The following RAB31 variants were observed in gnomAD, a reference collection of about 807,000 sequenced individuals.
RAB31 encodes ras-related protein Rab-31.
RAB31 carries 21 observed loss-of-function variants against 25.6 expected under a neutral mutation model. The ratio of observed to expected loss-of-function variants is 0.82; its 90% CI spans 0.58 to 1.18. The LOEUF (loss-of-function observed/expected upper bound fraction) is 1.18. Ranked by LOEUF, RAB31 falls within the 50% of genes most tolerant of loss-of-function variation. The probability of loss-of-function intolerance (pLI) is 0.00; values close to 1 mark genes in which losing one functional copy is unlikely to be tolerated. For synonymous variants in RAB31, 87 were observed against 84.0 expected, an observed-to-expected ratio of 1.04 and a Z score of -0.20; for missense variants, 196 against 250.1, an observed-to-expected ratio of 0.78 and a Z score of 1.46.
rs191309815 is a variant in RAB31, at chr18:9,764,097, A to G, written c.40-11181A>G. On this transcript the variant is annotated intron_variant, in intron 1 of 6. Transcript: ENST00000578921. ...ATTCTTTATTTACAGCATCAGTTCA[A>G]TGGAAAAACGCATATTTTAGTTTCA... 1.2e-3 allele frequency among the ~76,000 whole-genome samples: 185 copies of G among 152,242 alleles called. 2 individuals are homozygous for G. Among genetic ancestry groups the G allele is most frequent in the Non-Finnish European group, 1.3e-3 (87 of 68,022 alleles).
rs2068852179 is a variant in RAB31, at chr18:9,862,211, T to C, written c.*2886T>C. The stretch of plus-strand genomic sequence containing the variant: ...ACTGTTCTGCAATGCTCATGGCAAG[T>C]TGAATGGTGAGCTAGCTTATAAATT... On this transcript the variant is annotated 3_prime_UTR_variant, in exon 7 of 7. Coordinates refer to ENST00000578921, the MANE Select transcript of RAB31 (RefSeq NM_006868.4). 6.6e-6 allele frequency: 1 copy of C among 152,218 alleles called. No individual in the cohort carries two copies. 9.4% of individuals were successfully genotyped at this position (152,218 alleles called of 1,614,324 possible). A position where few individuals can be genotyped will look rare whatever the true frequency, so the allele number is the denominator to read the frequency against.
At chr18:9,791,543 A>AC (rs2068460048) in intron 2 of RAB31, among the ~76,000 whole-genome samples, 1 of 150,532 alleles carries the variant, frequency 6.6e-6, no homozygotes, top group South Asian at 2.1e-4. Context: ...GACTACAGGC[A>AC]CCCGCCACCA....
chr18:9,742,018 T>A (rs1054757824), intron 1 of RAB31, among the ~76,000 whole-genome samples: 2 of 152,210 alleles, frequency 1.3e-5, no homozygotes, highest in African/African-American at 4.8e-5. Flanking sequence ...TGTCTCACGC[T>A]GTCCCCAGCC....
chr18:9,744,318 A>G (rs2068194789), intron 1 of RAB31, among the ~76,000 whole-genome samples: 1 of 152,216 alleles, frequency 6.6e-6, no homozygotes, highest in South Asian at 2.1e-4. Context: ...GTCTGTTAGC[A>G]TGGCTAAAAT....
intron 3 of RAB31, among the ~76,000 whole-genome samples, chr18:9,813,268 TG>T (rs1229863704): frequency 6.6e-6 from 1 of 152,192 alleles, no homozygotes; most frequent in Non-Finnish European, 1.5e-5. Flanking sequence ...AGGTTGCCCT[TG>T]CTGACTGGTC....
chr18:9,825,521 T>C (rs941504027), intron 5 of RAB31, among the ~76,000 whole-genome samples: 6 of 152,214 alleles, frequency 3.9e-5, no homozygotes, highest in African/African-American at 1.4e-4. Flanking sequence ...AAAATTCCAG[T>C]TCTAGGAACC....
intron 3 of RAB31, 43 bp from the exon 4 acceptor site, chr18:9,813,977 G>T (rs981786741): frequency 7.4e-7 from 1 of 1,356,514 alleles, no homozygotes; most frequent in African/African-American, 1.4e-5. Context: ...ATTGAATAAA[G>T]TCTGTTCACT....
In RAB31 at chr18:9,860,162, G is replaced by T. The variant is rs556304441; in HGVS notation, c.*837G>T. On this transcript the variant is annotated 3_prime_UTR_variant, in exon 7 of 7. Coordinates refer to ENST00000578921, the MANE Select transcript of RAB31 (RefSeq NM_006868.4). ...TCGTCCTCTCTTAGAGAAGTTTAAC[G>T]CACATAGTATTATTTTACTAAGAGA... 6.6e-6 allele frequency: 1 copy of T among 152,086 alleles called. No individual in the cohort carries two copies. Among genetic ancestry groups the T allele is most frequent in the African/African-American group, 2.4e-5 (1 of 41,388 alleles). The allele number at this position is 152,086 out of a possible 1,614,324, so 9.4% of individuals were successfully genotyped here.
At chr18:9,852,498 A>T (rs1367917327) in intron 6 of RAB31, among the ~76,000 whole-genome samples, 1 of 151,938 alleles carries the variant, frequency 6.6e-6, no homozygotes, top group Admixed American at 6.6e-5. Context: ...TTTCCATTCC[A>T]TCTTTCTTTT....
intron 1 of RAB31, among the ~76,000 whole-genome samples, chr18:9,724,734 TG>T (rs2068089541): frequency 1.3e-5 from 2 of 152,294 alleles, no homozygotes; most frequent in East Asian, 1.9e-4. Flanking sequence ...CAGATGAGCT[TG>T]TAATTGTTCT....
chr18:9,767,771 C>T (rs1391015451), intron 1 of RAB31, among the ~76,000 whole-genome samples: 1 of 151,966 alleles, frequency 6.6e-6, no homozygotes, highest in African/African-American at 2.4e-5. Flanking sequence ...GCAGAACGTG[C>T]AGATTTGTTA....
intron 5 of RAB31, among the ~76,000 whole-genome samples, chr18:9,841,659 A>C (rs1271955724): frequency 2.6e-5 from 4 of 152,162 alleles, no homozygotes; most frequent in African/African-American, 9.7e-5. Flanking sequence ...TTGGCTTTAT[A>C]GACAGAGAAG....
intron 1 of RAB31, among the ~76,000 whole-genome samples, chr18:9,733,082 G>A (rs2068131701): frequency 6.6e-6 from 1 of 152,192 alleles, no homozygotes; most frequent in Non-Finnish European, 1.5e-5. Flanking sequence ...GAGTTAGACA[G>A]TTTCCACTGC....
chr18:9,773,909 C>T (rs539779245), intron 1 of RAB31, among the ~76,000 whole-genome samples: 1 of 152,204 alleles, frequency 6.6e-6, no homozygotes, highest in East Asian at 1.9e-4. Flanking sequence ...GTTCATCCTG[C>T]TTTGGCCTCC....
At chr18:9,764,845 A>G (rs565798935) in intron 1 of RAB31, among the ~76,000 whole-genome samples, 1 of 152,262 alleles carries the variant, frequency 6.6e-6, no homozygotes, top group Admixed American at 6.5e-5. Context: ...TATGCCATGT[A>G]TTAGTTTAAA....
chr18:9,765,128 T>C (rs1407387881), intron 1 of RAB31, among the ~76,000 whole-genome samples: 1 of 152,156 alleles, frequency 6.6e-6, no homozygotes, highest in East Asian at 1.9e-4. Context: ...GATTTTTGTA[T>C]TTTTAGTAGA....
intron 1 of RAB31, among the ~76,000 whole-genome samples, chr18:9,717,306 G>A (rs570509920): frequency 1.3e-5 from 2 of 152,224 alleles, no homozygotes; most frequent in Non-Finnish European, 2.9e-5. Flanking sequence ...AGACCTGCTT[G>A]AATTCTCTAG....
At chr18:9,721,828 T>C (rs1599011804) in intron 1 of RAB31, among the ~76,000 whole-genome samples, 1 of 151,586 alleles carries the variant, frequency 6.6e-6, no homozygotes, top group African/African-American at 2.4e-5. Context: ...TGGCAGATGG[T>C]GAGGGGTGCT....
At position 9,810,638 on chromosome 18, in the gene RAB31, C is replaced by T. The variant is rs1292602890; in HGVS notation, c.202-3382C>T. ...GAAAGAATGAGTAATGCATTATATA[C>T]CAAGATCGCTTCAATAATTCATGAG... On this transcript the variant is annotated intron_variant, in intron 3 of 6. Transcript: ENST00000578921. 4.6e-5 allele frequency among the ~76,000 whole-genome samples: 7 copies of T among 152,188 alleles called. No individual in the cohort carries two copies. In the East Asian group the frequency reaches 9.6e-4, roughly 21 times the overall value.
Sources: gnomAD v4.1 joint callset for allele counts (sites outside exome capture counted in the v4.1 genomes callset) on GRCh38, gnomAD v4.1.1 for gene constraint, MANE v1.5 for transcripts, NCBI Gene and HGNC (gene_info 2026-07-23, HGNC 2026-07-21) for gene names.